Variants in HTT observed in about 807,000 individuals in gnomAD.
The protein encoded by HTT is huntingtin.
HTT carries 104 observed loss-of-function variants against 362.3 expected under a neutral mutation model. The ratio of observed to expected loss-of-function variants is 0.29; its 90% confidence interval spans 0.24 to 0.34. The LOEUF is 0.34. Among genes scored for constraint, HTT ranks in the 10% least tolerant of loss-of-function variants. The pLI is 1.00. For synonymous variants in HTT, 1,577 were observed against 1,548.7 expected (o/e 1.02, Z -0.43); for missense variants, 3,301 against 3,928.6 (o/e 0.84, Z 4.27).
chr4:3,239,766 C>A, intron 66 of HTT, 80 bp from the exon 67 acceptor site: 1 of 1,184,610 alleles, frequency 8.4e-7, no homozygotes, highest in Non-Finnish European at 1.2e-6. Context: ...TAGACTGTTT[C>A]AGGAGAGGAA....
intron 5 of HTT, among the ~76,000 whole-genome samples, chr4:3,106,075 A>G (rs1336263521): frequency 2.0e-5 from 3 of 152,210 alleles, no homozygotes; most frequent in African/African-American, 7.2e-5. Flanking sequence ...GAGTTTCAAT[A>G]AGAATCTTAT....
At chr4:3,216,572 A>C (rs1411268364) in intron 51 of HTT, among the ~76,000 whole-genome samples, 1 of 152,242 alleles carries the variant, frequency 6.6e-6, no homozygotes, top group African/African-American at 2.4e-5. Context: ...CAGTTGAGAC[A>C]TCTTGGCGGT....
Position 3,201,621 on chromosome 4 carries a change from T to C in HTT, c.5576+1682T>C, listed in dbSNP as rs1578583607. 2.0e-5 allele frequency among the ~76,000 whole-genome samples: 3 copies of C among 151,584 alleles called. No homozygotes were observed. In the East Asian group the frequency reaches 5.8e-4, roughly 29 times the overall value. On this transcript the variant is annotated intron_variant, in intron 41 of 66. Transcript: ENST00000355072. Reference sequence around the variant, plus strand: ...AAAATATCGTTCTTTAATGGTAATGTAAAGGTAAAATTAAGATAATATGTA... The same window carrying C: ...AAAATATCGTTCTTTAATGGTAATGCAAAGGTAAAATTAAGATAATATGTA...
At chr4:3,160,885 C>CT (rs1323651542) in intron 29 of HTT, among the ~76,000 whole-genome samples, 1 of 151,680 alleles carries the variant, frequency 6.6e-6, no homozygotes, top group Admixed American at 6.6e-5. Flanking sequence ...TTTTCTTTTT[C>CT]TTTTTTTTGG....
chr4:3,202,343 T>C (rs1719622499), intron 41 of HTT, among the ~76,000 whole-genome samples: 1 of 152,210 alleles, frequency 6.6e-6, no homozygotes, highest in African/African-American at 2.4e-5. Context: ...TCTTTATGTC[T>C]ACTGCTCATA....
At chr4:3,199,000 G>C (rs983340229) in intron 40 of HTT, among the ~76,000 whole-genome samples, 1 of 152,248 alleles carries the variant, frequency 6.6e-6, no homozygotes, top group African/African-American at 2.4e-5. Flanking sequence ...CCCAGGAGCT[G>C]TTGAGTTTGG....
At chr4:3,229,081 AC>A in intron 59 of HTT, 72 bp downstream of exon 59, 2 of 1,440,982 alleles carry the variant, frequency 1.4e-6, no homozygotes, top group Non-Finnish European at 1.9e-6. Context: ...CACCCCACAC[AC>A]ACACACCGCC....
chr4:3,211,856 G>A, intron 47 of HTT, 73 bp from the exon 48 acceptor site: 1 of 1,050,914 alleles, frequency 9.5e-7, no homozygotes, highest in Non-Finnish European at 1.5e-6. Context: ...TTTTTCTGTT[G>A]TGTTTTTCTT....
In HTT at chr4:3,239,892, G is replaced by A. The variant is rs747824755; in HGVS notation, c.9262G>A (p.Val3088Met). ...GATGGGCAAGCTGGAGCAGGTGGAC[G>A]TGAACCTTTTCTGCCTGGTCGCCAC... Reference protein sequence around the residue: ...SRMGKLEQVDVNLFCLVATDF... With the variant: ...SRMGKLEQVDMNLFCLVATDF... Residue 3088 changes from valine to methionine, a missense_variant, in exon 67 of 67, where the codon GTG (valine) becomes ATG (methionine). By Grantham distance (21) the Val-to-Met change is conservative. This residue lies in a region of HTT where 753 missense variants were observed against 1,021.3 expected (regional missense o/e 0.74). Coordinates refer to ENST00000355072, the MANE Select transcript of HTT (RefSeq NM_001388492.1). 10 of 1,570,886 alleles carry A rather than the reference G, an allele frequency of 6.4e-6. No individual in the cohort carries two copies. In the South Asian group the frequency reaches 7.0e-5, roughly 11 times the overall value.
chr4:3,238,421 T>C, intron 64 of HTT, 26 bp from the exon 65 acceptor site: 1 of 1,586,380 alleles, frequency 6.3e-7, no homozygotes, highest in Non-Finnish European at 8.6e-7. Flanking sequence ...CTGGTGCCAG[T>C]CTCTGACCTG....
rs761644475 is a variant in HTT, at chr4:3,174,743, G to A, written c.4189G>A (p.Val1397Met). ...TSGWFDVLQK[V>M]STQLKTNLTS... ...CAGATGGTTTGATGTCCTCCAGAAA[G>A]TGTCTACCCAGTTGAAGACAAACCT... The change falls in exon 32 of 67, where the codon GTG (valine) becomes ATG (methionine). Residue 1397 changes from valine to methionine, a missense_variant. Around this residue, in one of 4 missense-constraint regions of HTT, gnomAD observed 2,316 missense variants for 2,658.5 expected, o/e 0.87. Coordinates refer to ENST00000355072, the MANE Select transcript of HTT (RefSeq NM_001388492.1). 34 of 1,613,976 alleles carry A rather than the reference G, an allele frequency of 2.1e-5. No individual in the cohort carries two copies. Among genetic ancestry groups the A allele is most frequent in the South Asian group, 1.4e-4 (13 of 91,060 alleles).
chr4:3,150,038 G>C (rs781341916), intron 26 of HTT, among the ~76,000 whole-genome samples: 7 of 152,106 alleles, frequency 4.6e-5, no homozygotes, highest in Admixed American at 2.6e-4. Context: ...GGCCTCCTGG[G>C]TGTTCCCTTA....
At position 3,130,483 on chromosome 4, in the gene HTT, C is replaced by T. The variant is rs1445198378; in HGVS notation, c.1986+60C>T. On this transcript the variant is annotated intron_variant, in intron 14 of 66. Coordinates refer to ENST00000355072, the MANE Select transcript of HTT (RefSeq NM_001388492.1). ...CTGAGCTTGTGTGAGGATTTAAAAT[C>T]GCCCTGGCTACTGTCTACTTTATTG... The T allele has an allele frequency of 1.1e-5, 10 of 902,214 alleles. No individual in the cohort carries two copies. In the East Asian group the frequency reaches 2.1e-4, roughly 19 times the overall value. 55.9% of individuals were successfully genotyped at this position (902,214 alleles called of 1,614,324 possible).
At chr4:3,130,611 C>G (rs1294677833) in intron 14 of HTT, among the ~76,000 whole-genome samples, 188 bp downstream of exon 14, 2 of 152,176 alleles carry the variant, frequency 1.3e-5, no homozygotes, top group Non-Finnish European at 2.9e-5. Context: ...TTGAGAATTG[C>G]CTGAGTTCTG....
At chr4:3,205,600 G>C (rs1719819024) in intron 42 of HTT, among the ~76,000 whole-genome samples, 1 of 152,096 alleles carries the variant, frequency 6.6e-6, no homozygotes, top group Admixed American at 6.5e-5. Flanking sequence ...AATCCAAAAT[G>C]CTCCAAATTC....
At chr4:3,139,896 G>A (rs1464840028) in intron 21 of HTT, among the ~76,000 whole-genome samples, 1 of 152,164 alleles carries the variant, frequency 6.6e-6, no homozygotes, top group Admixed American at 6.5e-5. Flanking sequence ...TTTCAAAGTT[G>A]GTTTTTAATT....
At position 3,213,961 on chromosome 4, in the gene HTT, C is replaced by A; in HGVS notation, c.6778C>A (p.Leu2260Met). Residue 2260 changes from leucine to methionine, a missense_variant, in exon 50 of 67, where the codon CTG (leucine) becomes ATG (methionine). Leu to Met is a conservative substitution (Grantham distance 15). This residue lies in a region of HTT where 220 missense variants were observed against 218.5 expected (regional missense o/e 1.01). Coordinates refer to ENST00000355072, the MANE Select transcript of HTT (RefSeq NM_001388492.1). ...GTGACTCGGTACTTCCCTTTAGGCC[C>A]TGTCCTGGCATTTGATCCATGAGCA... is the stretch of plus-strand genomic sequence containing the variant. ...VKFVVATLEA[L>M]SWHLIHEQIP... 2 of 1,553,658 alleles carry A rather than the reference C, an allele frequency of 1.3e-6. No individual in the cohort carries two copies. Among genetic ancestry groups the A allele is most frequent in the Non-Finnish European group, 8.7e-7 (1 of 1,143,766 alleles).
chr4:3,226,619 G>A (rs527754846), intron 57 of HTT, among the ~76,000 whole-genome samples: 4 of 152,238 alleles, frequency 2.6e-5, no homozygotes, highest in Admixed American at 6.5e-5. Flanking sequence ...TTCGCTCACC[G>A]GGTTCCTGAT....
intron 28 of HTT, among the ~76,000 whole-genome samples, 171 bp downstream of exon 28, chr4:3,157,370 A>G (rs1346512259): frequency 6.6e-6 from 1 of 152,234 alleles, no homozygotes; most frequent in Non-Finnish European, 1.5e-5. Flanking sequence ...AGCTTCTATC[A>G]TACAGGTGTT....
Sources: allele counts gnomAD v4.1 joint callset (sites outside exome capture counted in the v4.1 genomes callset), GRCh38; gene constraint gnomAD v4.1.1; regional missense constraint gnomAD v4.1.1; transcripts MANE v1.5; gene names NCBI Gene and HGNC (gene_info 2026-07-23, HGNC 2026-07-21).